TFDP2: variants seen among roughly 807,000 people sequenced by gnomAD.
TFDP2 encodes transcription factor Dp-2 (E2F dimerization partner 2).
A neutral mutation model predicts 59.3 loss-of-function variants in TFDP2; 17 were observed. The observed-to-expected ratio is 0.29, with a 90% confidence interval of 0.20 to 0.43. TFDP2 has a LOEUF of 0.43. Ranked by LOEUF, TFDP2 falls within the 20% of genes least tolerant of loss-of-function variation. The pLI is 1.00. For synonymous variants in TFDP2, 180 were observed against 194.7 expected, an observed-to-expected ratio of 0.92 and a Z score of 0.63; for missense variants, 391 against 528.8, an observed-to-expected ratio of 0.74 and a Z score of 2.56.
chr3:141,967,687 T>G (rs979529830), intron 9 of TFDP2, among the ~76,000 whole-genome samples: 2 of 152,182 alleles, frequency 1.3e-5, no homozygotes, highest in African/African-American at 4.8e-5. Flanking sequence ...CCTGTTTCTA[T>G]GAATGTTGAC....
intron 2 of TFDP2, 64 bp downstream of exon 2, chr3:142,101,671 T>C: frequency 9.3e-7 from 1 of 1,069,710 alleles, no homozygotes; most frequent in South Asian, 2.0e-5. Flanking sequence ...GGTGAGAAAA[T>C]ATGTAGGAAA....
chr3:142,098,546 C>G (rs893311295), intron 2 of TFDP2, among the ~76,000 whole-genome samples: 3 of 151,956 alleles, frequency 2.0e-5, no homozygotes, highest in African/African-American at 7.3e-5. Context: ...TTACCGTATC[C>G]CACTTCCATC....
chr3:142,075,734 GAAAAAAAAA>G (rs530375441), intron 3 of TFDP2, among the ~76,000 whole-genome samples: 648 of 45,532 alleles, frequency 0.014, 5 homozygotes, highest in Admixed American at 0.027. Context: ...TGTCTCTACA[GAAAAAAAAA>G]AAAAAAAAAA....
intron 4 of TFDP2, among the ~76,000 whole-genome samples, chr3:142,004,270 A>G (rs1333967750): frequency 2.0e-5 from 3 of 152,220 alleles, no homozygotes; most frequent in Non-Finnish European, 4.4e-5. Flanking sequence ...ACCAAGGAAA[A>G]TATCATGTCT....
At chr3:141,982,123 T>G (rs1941551998) in intron 6 of TFDP2, among the ~76,000 whole-genome samples, 1 of 152,202 alleles carries the variant, frequency 6.6e-6, no homozygotes, top group African/African-American at 2.4e-5. Context: ...ACACACTGGA[T>G]TTTAAATACT....
At chr3:142,142,451 G>C (rs1485969748) in intron 1 of TFDP2, among the ~76,000 whole-genome samples, 1 of 151,814 alleles carries the variant, frequency 6.6e-6, no homozygotes, top group African/African-American at 2.4e-5. Flanking sequence ...AAATTGAAGA[G>C]GACACCAAAA....
At chr3:142,130,169 C>T (rs1457533223) in intron 1 of TFDP2, among the ~76,000 whole-genome samples, 1 of 152,054 alleles carries the variant, frequency 6.6e-6, no homozygotes, top group Admixed American at 6.5e-5. Flanking sequence ...CAGCATTATT[C>T]ATAATGGTTA....
rs1032095463 is a variant in TFDP2, at chr3:141,945,313, G to A, written c.*7200C>T. 7.5e-6 allele frequency: 1 copy of A among 133,870 alleles called. No individual in the cohort carries two copies. Among genetic ancestry groups the A allele is most frequent in the Non-Finnish European group, 1.5e-5 (1 of 65,124 alleles). The allele number at this position is 133,870 out of a possible 1,614,324, so 8.3% of individuals were successfully genotyped here. A position where few individuals can be genotyped will look rare whatever the true frequency, so the allele number is the denominator to read the frequency against. ...CCCGGCTAATTTTATATTTTTAGTA[G>A]AGACAGGGTTTCTCCATGTTGGTCA... On this transcript the variant is annotated 3_prime_UTR_variant, in exon 13 of 13. Transcript: ENST00000489671.
intron 3 of TFDP2, among the ~76,000 whole-genome samples, chr3:142,087,160 G>A (rs1313821414): frequency 2.0e-5 from 3 of 152,224 alleles, no homozygotes; most frequent in Non-Finnish European, 4.4e-5. Context: ...TAAGAGTTCT[G>A]TGCCAGAGAG....
At chr3:142,117,997 C>G (rs909458580) in intron 1 of TFDP2, among the ~76,000 whole-genome samples, 1 of 152,118 alleles carries the variant, frequency 6.6e-6, no homozygotes, top group Non-Finnish European at 1.5e-5. Context: ...ACTCGGGAGG[C>G]TGAGGCAAAA....
At chr3:142,146,388 T>C (rs957968590) in intron 1 of TFDP2, among the ~76,000 whole-genome samples, 2 of 151,966 alleles carry the variant, frequency 1.3e-5, no homozygotes, top group African/African-American at 4.8e-5. Flanking sequence ...AAATGACTTA[T>C]ATATATATAT....
chr3:142,056,102 C>T (rs2059734772), intron 3 of TFDP2, among the ~76,000 whole-genome samples: 1 of 151,286 alleles, frequency 6.6e-6, no homozygotes, highest in Non-Finnish European at 1.5e-5. Flanking sequence ...TACAGGTACG[C>T]GCCACCACAT....
intron 3 of TFDP2, among the ~76,000 whole-genome samples, chr3:142,073,410 C>A (rs2060315948): frequency 2.8e-5 from 2 of 71,732 alleles, no homozygotes; most frequent in South Asian, 6.3e-4. Context: ...TTAAGAAAAA[C>A]AAAAGAAAGA....
At chr3:142,049,855 A>C (rs1947522345) in intron 3 of TFDP2, among the ~76,000 whole-genome samples, 2 of 152,236 alleles carry the variant, frequency 1.3e-5, no homozygotes, top group South Asian at 4.1e-4. Context: ...AATAGCATAA[A>C]ATATTAAATA....
At position 142,101,757 on chromosome 3, in the gene TFDP2, T is replaced by G. The variant is rs1312128772; in HGVS notation, c.-8A>C. Reference sequence around the variant, plus strand: ...TACATTTTTTGCCGTCATGTCAAACTGTATTCTATTTAAGATTCTGTAAAG... The same window carrying G: ...TACATTTTTTGCCGTCATGTCAAACGGTATTCTATTTAAGATTCTGTAAAG... On this transcript the variant is annotated 5_prime_UTR_variant, in exon 2 of 13. Transcript: ENST00000489671. 3.0e-6 allele frequency: 4 copies of G among 1,339,460 alleles called. No individual in the cohort carries two copies. Among genetic ancestry groups the G allele is most frequent in the Non-Finnish European group, 4.0e-6 (4 of 1,011,804 alleles). The allele number at this position is 1,339,460 out of a possible 1,614,324, so 83.0% of individuals were successfully genotyped here.
At chr3:142,080,750 G>C (rs2060610907) in intron 3 of TFDP2, among the ~76,000 whole-genome samples, 1 of 152,112 alleles carries the variant, frequency 6.6e-6, no homozygotes, top group Admixed American at 6.5e-5. Context: ...GACAAAGAAG[G>C]TCATTACATA....
intron 4 of TFDP2, among the ~76,000 whole-genome samples, chr3:142,003,710 G>A (rs1171084936): frequency 6.6e-6 from 1 of 152,220 alleles, no homozygotes; most frequent in Non-Finnish European, 1.5e-5. Context: ...TGAAGGTAGA[G>A]TTCCAAATCG....
At chr3:142,000,369 G>T in intron 4 of TFDP2, 1 of 700,568 alleles carries the variant, frequency 1.4e-6, no homozygotes, top group South Asian at 1.5e-5. Flanking sequence ...TAGCAGAAAG[G>T]GTCCAGGGTG....
chr3:142,043,334 A>G (rs1229442352), intron 3 of TFDP2, among the ~76,000 whole-genome samples: 1 of 151,790 alleles, frequency 6.6e-6, no homozygotes, highest in African/African-American at 2.4e-5. Context: ...GGCGTGAGCC[A>G]CCGCGCCCGG....
Sources: gnomAD v4.1 joint callset for allele counts (sites outside exome capture counted in the v4.1 genomes callset) on GRCh38, gnomAD v4.1.1 for gene constraint, MANE v1.5 for transcripts, NCBI Gene and HGNC (gene_info 2026-07-23, HGNC 2026-07-21) for gene names.